Variants in IWS1 observed in about 807,000 individuals in gnomAD.
IWS1 encodes the protein interacts with SUPT6H, CTD assembly factor 1, also known as protein IWS1 homolog.
IWS1 carries 27 observed loss-of-function variants against 86.7 expected under a neutral mutation model. The observed-to-expected ratio is 0.31, with a 90% confidence interval of 0.23 to 0.43. IWS1 has a LOEUF of 0.43. Among genes scored for constraint, IWS1 ranks in the 20% least tolerant of loss-of-function variants. IWS1 has a pLI of 1.00. For synonymous variants in IWS1, 313 were observed against 335.1 expected, an observed-to-expected ratio of 0.93 and a Z score of 0.72; for missense variants, 827 against 1,000.8, an observed-to-expected ratio of 0.83 and a Z score of 2.34.
chr2:127,502,711 A>G, intron 5 of IWS1, 104 bp downstream of exon 5: 1 of 590,274 alleles, frequency 1.7e-6, no homozygotes, highest in East Asian at 2.7e-5. Context: ...ATACATCATA[A>G]TTGTTTATTC....
At chr2:127,511,972 A>G (rs1490581112) in intron 2 of IWS1, among the ~76,000 whole-genome samples, 1 of 152,198 alleles carries the variant, frequency 6.6e-6, no homozygotes, top group African/African-American at 2.4e-5. Context: ...CTTTTACTCA[A>G]TTCAAGTAAT....
chr2:127,483,598 G>GGGGGGGT (rs1689763605), intron 13 of IWS1, among the ~76,000 whole-genome samples: 1 of 21,822 alleles, frequency 4.6e-5, no homozygotes, highest in African/African-American at 1.1e-4. Context: ...GGGTGGGGGG[G>GGGGGGGT]TTGGGCTGTG....
chr2:127,480,884 G>A lies in IWS1; in HGVS notation c.*160C>T, dbSNP rs760469300. The A allele has an allele frequency of 7.4e-5, 53 of 712,266 alleles. No homozygotes were observed. Among genetic ancestry groups the A allele is most frequent in the Middle Eastern group, 2.6e-4 (1 of 3,878 alleles). 44.1% of individuals were successfully genotyped at this position (712,266 alleles called of 1,614,324 possible). ...TATTCCTTTGTACAAAGTACACAAC[G>A]GTTTTAAATATAACTGAGAGAAATG... On this transcript the variant is annotated 3_prime_UTR_variant, in exon 14 of 14. Transcript: ENST00000295321.
chr2:127,493,849 A>C (rs1690367229), intron 8 of IWS1, among the ~76,000 whole-genome samples: 1 of 151,900 alleles, frequency 6.6e-6, no homozygotes, highest in Admixed American at 6.6e-5. Context: ...AAAAAAAAAA[A>C]AAAAACTCAA....
chr2:127,521,303 T>C (rs1692081052), intron 2 of IWS1, among the ~76,000 whole-genome samples: 1 of 152,152 alleles, frequency 6.6e-6, no homozygotes, highest in Middle Eastern at 3.4e-3. Context: ...TCAAGTAAAG[T>C]TAAAATATAT....
intron 2 of IWS1, among the ~76,000 whole-genome samples, chr2:127,523,119 G>T (rs1692191915): frequency 6.6e-6 from 1 of 152,164 alleles, no homozygotes; most frequent in South Asian, 2.1e-4. Context: ...TATGAGGTGG[G>T]AGGATAGCTT....
At chr2:127,519,533 T>A (rs1558770707) in intron 2 of IWS1, among the ~76,000 whole-genome samples, 4 of 150,906 alleles carry the variant, frequency 2.7e-5, no homozygotes, top group South Asian at 2.1e-4. Context: ...GAAATGAATT[T>A]AAAAAAAATA....
In IWS1 at chr2:127,493,168, CT is replaced by C. The variant is rs75627391; in HGVS notation, c.1929+112del. On this transcript the variant is annotated intron_variant, in intron 9 of 13. Coordinates refer to ENST00000295321, the MANE Select transcript of IWS1 (RefSeq NM_017969.3). ...ATGTTCCTTTTTTCCAACCCCTCTT[CT>C]GGCAGGCTGTAGCAGAGATAACATA... is the stretch of plus-strand genomic sequence containing the variant. The C allele has an allele frequency of 4.6e-5, 45 of 975,950 alleles. No individual in the cohort carries two copies. The East Asian group carries it at 1.2e-3, about 27-fold the overall frequency. 60.5% of individuals were successfully genotyped at this position (975,950 alleles called of 1,614,324 possible).
At chr2:127,492,488 G>C (rs1262578098) in intron 9 of IWS1, among the ~76,000 whole-genome samples, 1 of 151,562 alleles carries the variant, frequency 6.6e-6, no homozygotes, top group African/African-American at 2.4e-5. Flanking sequence ...GGAGGTTGAA[G>C]TGAGCCGAGG....
At chr2:127,516,013 A>G (rs931391326) in intron 2 of IWS1, among the ~76,000 whole-genome samples, 1 of 152,120 alleles carries the variant, frequency 6.6e-6, no homozygotes, top group Non-Finnish European at 1.5e-5. Flanking sequence ...CCTTGGGTGG[A>G]CCACACTGAG....
intron 6 of IWS1, among the ~76,000 whole-genome samples, chr2:127,496,550 TACACACACAC>T (rs36048775): frequency 0.042 from 5,940 of 140,398 alleles, 410 homozygotes; most frequent in African/African-American, 0.15. Flanking sequence ...TATTTTATCA[TACACACACAC>T]ACACACACAC....
In IWS1 at chr2:127,480,974, A is replaced by G. The variant is rs1689594162; in HGVS notation, c.*70T>C. ...ACAGACACACTAAAAATGTTTTAAA[A>G]TATCTTCTTTCTCCAAAGAGTCCAT... is the stretch of plus-strand genomic sequence containing the variant. On this transcript the variant is annotated 3_prime_UTR_variant, in exon 14 of 14. Coordinates refer to ENST00000295321, the MANE Select transcript of IWS1 (RefSeq NM_017969.3). 4 of 1,514,992 alleles carry G rather than the reference A, an allele frequency of 2.6e-6. No individual in the cohort carries two copies. Among genetic ancestry groups the G allele is most frequent in the Non-Finnish European group, 3.5e-6 (4 of 1,127,090 alleles). 93.8% of individuals were successfully genotyped at this position (1,514,992 alleles called of 1,614,324 possible).
At position 127,522,747 on chromosome 2, in the gene IWS1, C is replaced by T. The variant is rs537464094; in HGVS notation, c.150+929G>A. On this transcript the variant is annotated intron_variant, in intron 2 of 13. Coordinates refer to ENST00000295321, the MANE Select transcript of IWS1 (RefSeq NM_017969.3). Reference sequence around the variant, plus strand: ...TTGTTTCAGTCGTATCTACCAAAGACTTACGGCGAACTTATTGAAAAATTT... The same window carrying T: ...TTGTTTCAGTCGTATCTACCAAAGATTTACGGCGAACTTATTGAAAAATTT... Among the ~76,000 whole-genome samples the T allele has an allele frequency of 4.6e-5, 7 of 152,326 alleles. No homozygotes were observed. In the East Asian group the frequency reaches 1.4e-3, roughly 29 times the overall value.
At chr2:127,493,836 CAAAAAAA>C (rs35810945) in intron 8 of IWS1, among the ~76,000 whole-genome samples, 1 of 93,028 alleles carries the variant, frequency 1.1e-5, no homozygotes. Flanking sequence ...ACTGGCAGGA[CAAAAAAA>C]AAAAAAAAAA....
intron 12 of IWS1, 43 bp from the exon 13 acceptor site, chr2:127,486,707 C>T: frequency 4.7e-6 from 7 of 1,480,992 alleles, no homozygotes; most frequent in Non-Finnish European, 6.6e-6. Context: ...ATGTGGCCAG[C>T]CACAGTGGGG....
Position 127,526,292 on chromosome 2 carries a change from C to G in IWS1, c.-84G>C. ...CCAGGCGGTGTGACCCCGGATGGCG[C>G]GGCTAAGTGTTCAGAGACTGCCGCC... On this transcript the variant is annotated 5_prime_UTR_variant, in exon 1 of 14. Transcript: ENST00000295321. 1 of 1,543,986 alleles carries G rather than the reference C, an allele frequency of 6.5e-7. No individual in the cohort carries two copies. The highest frequency in any genetic ancestry group is 8.7e-7 in the Non-Finnish European group (1 of 1,146,850).
chr2:127,485,648 G>A (rs999166656), intron 13 of IWS1, among the ~76,000 whole-genome samples: 35 of 152,164 alleles, frequency 2.3e-4, no homozygotes, highest in African/African-American at 8.4e-4. Flanking sequence ...TATTAGGGAA[G>A]TAATTATCTA....
intron 10 of IWS1, among the ~76,000 whole-genome samples, chr2:127,491,673 G>T (rs902611915): frequency 1.3e-5 from 2 of 152,074 alleles, no homozygotes; most frequent in African/African-American, 4.8e-5. Flanking sequence ...TCGATCTCCT[G>T]ACCTTGTGAT....
rs958108129 is a variant in IWS1, at chr2:127,500,351, T to C, written c.1468-2114A>G. 2.6e-4 allele frequency among the ~76,000 whole-genome samples: 40 copies of C among 152,330 alleles called. 1 individual carries two copies. The highest frequency in any genetic ancestry group is 1.7e-3 in the Admixed American group (26 of 15,306). ...TGTCAGTTACATTTCTCTTAGATTA[T>C]GGACTTGTCCATTTCTCTTTTCAGT... On this transcript the variant is annotated intron_variant, in intron 5 of 13. Transcript: ENST00000295321.
Sources: allele counts gnomAD v4.1 joint callset (sites outside exome capture counted in the v4.1 genomes callset), GRCh38; gene constraint gnomAD v4.1.1; transcripts MANE v1.5; gene names NCBI Gene and HGNC (gene_info 2026-07-23, HGNC 2026-07-21).